STK3: variants seen among roughly 807,000 people sequenced by gnomAD.
STK3 encodes the protein serine/threonine-protein kinase 3.
Under a neutral mutation model 58.0 loss-of-function variants are expected in STK3, and 41 were observed. That is an observed-to-expected ratio of 0.71 (90% CI 0.55 to 0.92). STK3 has a LOEUF of 0.92. Among genes scored for constraint, STK3 ranks in the 40% least tolerant of loss-of-function variants. STK3 has a pLI of 0.00. For missense variants in STK3, 479 were observed against 602.7 expected (o/e 0.79, Z 2.15); for synonymous variants, 170 against 191.0 (o/e 0.89, Z 0.91).
At chr8:98,898,701 A>G (rs991974417) in intron 1 of STK3, among the ~76,000 whole-genome samples, 12 of 152,216 alleles carry the variant, frequency 7.9e-5, no homozygotes, top group Non-Finnish European at 1.5e-4. Flanking sequence ...AGACCTAGAG[A>G]AGAGGCTAAC....
At chr8:98,524,724 C>A (rs1484811535) in intron 10 of STK3, among the ~76,000 whole-genome samples, 1 of 152,228 alleles carries the variant, frequency 6.6e-6, no homozygotes, top group African/African-American at 2.4e-5. Flanking sequence ...CTGATGAGAT[C>A]ATATGACCTA....
chr8:98,585,802 G>A (rs1255505547), intron 7 of STK3, among the ~76,000 whole-genome samples: 1 of 151,986 alleles, frequency 6.6e-6, no homozygotes, highest in Admixed American at 6.6e-5. Flanking sequence ...TCCTTGAAGA[G>A]GTCCTTCACA....
chr8:98,350,075 C>T, the STK3 span, among the ~76,000 whole-genome samples: 7 of 152,210 alleles, frequency 4.6e-5, no homozygotes, highest in East Asian at 1.9e-4. Flanking sequence ...GCAATTTTTC[C>T]GAACTTTTAT....
chr8:98,782,615 G>A (rs543158376), intron 1 of STK3: 2 of 241,408 alleles, frequency 8.3e-6, no homozygotes, highest in South Asian at 6.6e-5. Context: ...CAAGGAGGAA[G>A]AGACGAGGAA....
At chr8:98,886,968 C>T (rs538323502) in intron 1 of STK3, among the ~76,000 whole-genome samples, 164 of 152,014 alleles carry the variant, frequency 1.1e-3, no homozygotes, top group African/African-American at 3.7e-3. Context: ...TATGGTGGTG[C>T]GCGCCTGTAA....
At chr8:98,395,715 TG>T (rs1439441270) in intron 3 of STK3, among the ~76,000 whole-genome samples, 1 of 152,230 alleles carries the variant, frequency 6.6e-6, no homozygotes, top group Admixed American at 6.5e-5. Context: ...GCAAACATAT[TG>T]GGGATTTTTT....
chr8:98,406,017 C>A (rs957408111), intron 3 of STK3, among the ~76,000 whole-genome samples: 5 of 152,150 alleles, frequency 3.3e-5, no homozygotes, highest in African/African-American at 1.2e-4. Flanking sequence ...TCAGTGTCAC[C>A]TCCACCAGGA....
At chr8:98,715,312 C>G (rs1029557733) in intron 4 of STK3, among the ~76,000 whole-genome samples, 3 of 151,976 alleles carry the variant, frequency 2.0e-5, no homozygotes, top group African/African-American at 7.3e-5. Context: ...AGCTTCTGCA[C>G]AGCAGAAGAA....
intron 10 of STK3, among the ~76,000 whole-genome samples, chr8:98,508,531 T>G (rs1824263273): frequency 6.6e-6 from 1 of 152,108 alleles, no homozygotes; most frequent in African/African-American, 2.4e-5. Flanking sequence ...TTTGGGATAA[T>G]GATGAAAATA....
chr8:98,579,553 A>G, intron 8 of STK3, 111 bp downstream of exon 8: 1 of 1,319,586 alleles, frequency 7.6e-7, no homozygotes, highest in South Asian at 1.4e-5. Context: ...TCAATGAAAA[A>G]ACATATCTTA....
At chr8:98,375,333 A>G (rs528447743) in intron 2 of STK3, among the ~76,000 whole-genome samples, 2 of 152,188 alleles carry the variant, frequency 1.3e-5, no homozygotes, top group African/African-American at 2.4e-5. Context: ...AGAAAAAGAA[A>G]TGGAAGGCAT....
At chr8:98,411,529 C>T (rs1818057476) in intron 3 of STK3, among the ~76,000 whole-genome samples, 1 of 152,244 alleles carries the variant, frequency 6.6e-6, no homozygotes, top group Admixed American at 6.5e-5. Context: ...CTGCAGCCTG[C>T]CCTGCCCCTG....
At chr8:98,439,199 C>T (rs181246225) in intron 1 of STK3, 1 of 152,304 alleles carries the variant, frequency 6.6e-6, no homozygotes, top group African/African-American at 2.4e-5. Flanking sequence ...TATTTTATCT[C>T]CAGTGCCCAA....
At chr8:98,803,805 A>T (rs978951397) in intron 1 of STK3, among the ~76,000 whole-genome samples, 4 of 152,116 alleles carry the variant, frequency 2.6e-5, no homozygotes. Context: ...CATTCAATAC[A>T]CACTTACTGA....
rs140522204 is a variant in STK3 at position 98,865,692 on chromosome 8, T to C, written c.110+17955A>G. On this transcript the variant is annotated intron_variant, in intron 3 of 12. Coordinates refer to the STK3 transcript ENST00000523601. ...AGCACAGGTCATTTCTCAGGGGTAC[T>C]CTCTAATAAAGTTATACGACGTGCC... Among the ~76,000 whole-genome samples, 4 of 152,338 alleles carry C rather than the reference T, an allele frequency of 2.6e-5. No individual in the cohort carries two copies. In the East Asian group the frequency reaches 7.7e-4, roughly 29 times the overall value.
chr8:98,754,781 A>T (rs1830187997), intron 3 of STK3, among the ~76,000 whole-genome samples: 1 of 152,194 alleles, frequency 6.6e-6, no homozygotes, highest in African/African-American at 2.4e-5. Context: ...AAGTGCTGAG[A>T]CTATAGGTGT....
intron 9 of STK3, 107 bp from the exon 10 acceptor site, chr8:98,527,024 T>A: frequency 1.1e-6 from 1 of 875,630 alleles, no homozygotes; most frequent in East Asian, 2.7e-5. Context: ...TTTGCACTGG[T>A]CAGATTCAAG....
intron 1 of STK3, among the ~76,000 whole-genome samples, chr8:98,811,514 C>T (rs1227816014): frequency 7.3e-6 from 1 of 137,638 alleles, no homozygotes; most frequent in African/African-American, 2.7e-5. Flanking sequence ...TATGCAAATT[C>T]ATTAAGTGTT....
chr8:98,540,123 G>C (rs1810117864), intron 9 of STK3, among the ~76,000 whole-genome samples: 1 of 152,098 alleles, frequency 6.6e-6, no homozygotes, highest in South Asian at 2.1e-4. Flanking sequence ...TGTTCAATGT[G>C]CTCCAGTGTA....
Sources: gnomAD v4.1 joint callset for allele counts (sites outside exome capture counted in the v4.1 genomes callset) on GRCh38, gnomAD v4.1.1 for gene constraint, MANE v1.5 for transcripts, NCBI Gene and HGNC (gene_info 2026-07-23, HGNC 2026-07-21) for gene names.